STX18: variants seen among roughly 807,000 people sequenced by gnomAD.
The protein encoded by STX18 is syntaxin 18.
STX18 carries 40 observed loss-of-function variants against 50.1 expected under a neutral mutation model. The ratio of observed to expected loss-of-function variants is 0.80; its 90% CI spans 0.62 to 1.04. The LOEUF is 1.04. Among genes scored for constraint, STX18 ranks in the 50% least tolerant of loss-of-function variants. The pLI is 0.00. For synonymous variants in STX18, 158 were observed against 151.8 expected, an observed-to-expected ratio of 1.04 and a Z score of -0.30; for missense variants, 410 against 415.8, an observed-to-expected ratio of 0.99 and a Z score of 0.12.
At chr4:4,473,512 C>G (rs1728026656) in intron 1 of STX18, among the ~76,000 whole-genome samples, 1 of 152,112 alleles carries the variant, frequency 6.6e-6, no homozygotes, top group Admixed American at 6.6e-5. Context: ...CCAGGATGGT[C>G]CCGATCTCCG....
At chr4:4,493,516 T>A (rs55766108) in intron 1 of STX18, among the ~76,000 whole-genome samples, 26,977 of 152,106 alleles carry the variant, frequency 0.18, 2,647 homozygotes, top group South Asian at 0.3. Flanking sequence ...TTAAAAAAAA[T>A]TGTTTTTGTT....
intron 9 of STX18, among the ~76,000 whole-genome samples, chr4:4,422,000 T>C (rs1418677308): frequency 6.6e-6 from 1 of 152,056 alleles, no homozygotes; most frequent in Non-Finnish European, 1.5e-5. Context: ...GTGGTGAAGC[T>C]GCTTCCTAAC....
intron 1 of STX18, among the ~76,000 whole-genome samples, chr4:4,496,669 G>C (rs1026935221): frequency 2.0e-5 from 3 of 152,148 alleles, no homozygotes; most frequent in Non-Finnish European, 4.4e-5. Flanking sequence ...GCCTTGGATG[G>C]TGCTGCCCAA....
chr4:4,498,343 A>C (rs1289009810), intron 1 of STX18, among the ~76,000 whole-genome samples: 1 of 152,042 alleles, frequency 6.6e-6, no homozygotes, highest in Non-Finnish European at 1.5e-5. Context: ...ATGATAATAT[A>C]CCCCCCAAAA....
At chr4:4,480,362 G>A (rs1331679212) in intron 1 of STX18, among the ~76,000 whole-genome samples, 2 of 152,052 alleles carry the variant, frequency 1.3e-5, no homozygotes, top group African/African-American at 2.4e-5. Flanking sequence ...AGTGCCCTAC[G>A]CTCTGCTGCT....
At chr4:4,435,826 T>C (rs934277715) in intron 6 of STX18, among the ~76,000 whole-genome samples, 2 of 152,164 alleles carry the variant, frequency 1.3e-5, no homozygotes, top group African/African-American at 4.8e-5. Context: ...CATTGAAGCA[T>C]GTCAATACCA....
chr4:4,453,775 C>T (rs995241731), intron 5 of STX18: 2 of 594,750 alleles, frequency 3.4e-6, no homozygotes, highest in Non-Finnish European at 4.2e-6. Flanking sequence ...GTACCGTGGA[C>T]CCCCAAAGCA....
At chr4:4,468,236 G>A (rs901169630) in intron 2 of STX18, among the ~76,000 whole-genome samples, 4 of 151,898 alleles carry the variant, frequency 2.6e-5, no homozygotes, top group Admixed American at 6.6e-5. Context: ...TACTTTCTCT[G>A]AAACACCACG....
At chr4:4,432,653 G>A (rs1249517010) in intron 7 of STX18, among the ~76,000 whole-genome samples, 1 of 152,244 alleles carries the variant, frequency 6.6e-6, no homozygotes. Flanking sequence ...AGAGGGCCCA[G>A]GGCTGCAATG....
intron 1 of STX18, among the ~76,000 whole-genome samples, chr4:4,536,417 T>G (rs1731334500): frequency 6.6e-6 from 1 of 152,192 alleles, no homozygotes; most frequent in Non-Finnish European, 1.5e-5. Flanking sequence ...GGATATATGA[T>G]CTGCTAGGGG....
At chr4:4,426,627 G>A (rs1725252851) in intron 7 of STX18, 1 of 152,290 alleles carries the variant, frequency 6.6e-6, no homozygotes, top group South Asian at 2.1e-4. Context: ...GCTCTATGCA[G>A]GCGCTCTTCA....
chr4:4,530,951 T>C (rs1731063652), intron 1 of STX18, among the ~76,000 whole-genome samples: 1 of 152,210 alleles, frequency 6.6e-6, no homozygotes, highest in African/African-American at 2.4e-5. Context: ...ACAAAGTATG[T>C]CAACATTCAT....
intron 1 of STX18, among the ~76,000 whole-genome samples, chr4:4,485,563 A>T (rs1355410410): frequency 6.6e-6 from 1 of 152,216 alleles, no homozygotes; most frequent in East Asian, 1.9e-4. Flanking sequence ...TGAAAATGCT[A>T]GACTCGCAGG....
At chr4:4,464,488 C>T (rs1263563040) in intron 2 of STX18, among the ~76,000 whole-genome samples, 1 of 152,184 alleles carries the variant, frequency 6.6e-6, no homozygotes, top group African/African-American at 2.4e-5. Context: ...AGGGTGTATG[C>T]ACGTGCCAAC....
At chr4:4,472,884 A>G (rs914436991) in intron 1 of STX18, among the ~76,000 whole-genome samples, 5 of 152,224 alleles carry the variant, frequency 3.3e-5, no homozygotes, top group African/African-American at 1.2e-4. Flanking sequence ...AATTTCCCAC[A>G]TAGTCTAGAC....
At chr4:4,438,227 G>A (rs546669328) in intron 6 of STX18, among the ~76,000 whole-genome samples, 167 bp downstream of exon 6, 70 of 152,366 alleles carry the variant, frequency 4.6e-4, no homozygotes, top group Middle Eastern at 3.4e-3. Flanking sequence ...CACTCACGAA[G>A]ATCAACTGTG....
chr4:4,453,252 C>T (rs1358606518), intron 5 of STX18, among the ~76,000 whole-genome samples: 1 of 152,188 alleles, frequency 6.6e-6, no homozygotes, highest in African/African-American at 2.4e-5. Context: ...GCACTGCACA[C>T]AATAGAGAAA....
In STX18 at chr4:4,457,440, A is replaced by G. The variant is rs755992642; in HGVS notation, c.413T>C (p.Ile138Thr). ...KEHRTAVLDF[I>T]EDYLKRVCKL... ...TGAAATACTTTTCAAGTAATCTTCA[A>G]TGAAATCCAAAACAGCGGTCCTGTG... The change falls in exon 4 of 11, where the codon ATT becomes ACT. Residue 138 changes from isoleucine (I) to threonine (T), a missense_variant. Ile to Thr is a moderately conservative substitution (Grantham distance 89). Coordinates refer to ENST00000306200, the MANE Select transcript of STX18 (RefSeq NM_016930.4). 2.3e-5 allele frequency: 37 copies of G among 1,613,632 alleles called. No individual in the cohort carries two copies. In the South Asian group the frequency reaches 2.6e-4, roughly 12 times the overall value.
At chr4:4,427,529 C>T (rs1157225204) in intron 7 of STX18, among the ~76,000 whole-genome samples, 1 of 152,214 alleles carries the variant, frequency 6.6e-6, no homozygotes, top group Non-Finnish European at 1.5e-5. Context: ...CTCAGCTTTC[C>T]CTGGGTGGCG....
Sources: gnomAD v4.1 joint callset for allele counts (sites outside exome capture counted in the v4.1 genomes callset) on GRCh38, gnomAD v4.1.1 for gene constraint, MANE v1.5 for transcripts, NCBI Gene and HGNC (gene_info 2026-07-23, HGNC 2026-07-21) for gene names.